CHD8: variants seen among roughly 807,000 people sequenced by gnomAD.
CHD8 encodes chromodomain helicase DNA binding protein 8, also known as ATP-dependent chromatin remodeler CHD8.
In CHD8, 31 loss-of-function variants were observed where a neutral mutation model predicts 279.2. The ratio of observed to expected loss-of-function variants is 0.11; its 90% CI spans 0.08 to 0.15. CHD8 has a LOEUF of 0.15. Ranked by LOEUF, CHD8 falls within the 10% of genes least tolerant of loss-of-function variation. The pLI, the probability that CHD8 is intolerant of heterozygous loss-of-function variation, is 1.00. For missense variants in CHD8, 2,146 were observed against 3,230.5 expected (o/e 0.66, Z 8.14); for synonymous variants, 1,081 against 1,139.6 (o/e 0.95, Z 1.04).
At chr14:21,423,567 C>T (rs914782895) in intron 5 of CHD8, among the ~76,000 whole-genome samples, 1 of 151,920 alleles carries the variant, frequency 6.6e-6, no homozygotes, top group African/African-American at 2.4e-5. Flanking sequence ...AACAGTCTCT[C>T]ATTCTGTTGC....
At chr14:21,392,023 T>G (rs942526514) in intron 34 of CHD8, 77 bp from the exon 35 acceptor site, 2 of 1,049,114 alleles carry the variant, frequency 1.9e-6, no homozygotes, top group South Asian at 1.3e-5. Context: ...TTGAGGGATG[T>G]GGGCTATAGG....
At position 21,400,696 on chromosome 14, in the gene CHD8, A is replaced by T; in HGVS notation, c.4371-84T>A. 1 of 1,355,174 alleles carries T rather than the reference A, an allele frequency of 7.4e-7. No homozygotes were observed. Among genetic ancestry groups the T allele is most frequent in the Non-Finnish European group, 9.9e-7 (1 of 1,007,524 alleles). 83.9% of individuals were successfully genotyped at this position (1,355,174 alleles called of 1,614,324 possible). On this transcript the variant is annotated intron_variant, in intron 22 of 37. Transcript: ENST00000646647. This position sits in a 1 kb window ranked among gnomAD's most constrained non-coding sequence, Gnocchi z 4.2. Reference sequence around the variant, plus strand: ...AGAATCATGTCTCTGAAAAGGTGTGAAACAAAGATCTTAAAAAACATGGTA... The same window carrying T: ...AGAATCATGTCTCTGAAAAGGTGTGTAACAAAGATCTTAAAAAACATGGTA...
At position 21,400,348 on chromosome 14, in the gene CHD8, C is replaced by A. The variant is rs369237386; in HGVS notation, c.4571-41G>T. On this transcript the variant is annotated intron_variant, in intron 23 of 37. Coordinates refer to ENST00000646647, the MANE Select transcript of CHD8 (RefSeq NM_001170629.2). The surrounding 1 kb of genome is among the most constrained non-coding windows in gnomAD (Gnocchi z 4.2). ...CATCAAAGACTTGGATTGAGAAAAACCCTTGGACCTGAAAAGGATTAGATT... is the reference window on the plus strand; with the variant it reads ...CATCAAAGACTTGGATTGAGAAAAAACCTTGGACCTGAAAAGGATTAGATT... The A allele has an allele frequency of 3.7e-6, 6 of 1,610,274 alleles. No individual in the cohort carries two copies. The South Asian group carries it at 5.5e-5, about 15-fold the overall frequency.
At chr14:21,437,249 T>TC (rs920737168) in intron 1 of CHD8, 5 of 1,159,730 alleles carry the variant, frequency 4.3e-6, no homozygotes, top group South Asian at 3.3e-5. Context: ...CAGCACCAGT[T>TC]CCCCCTCCTC....
At chr14:21,437,027 C>T in intron 1 of CHD8, 1 of 1,144,708 alleles carries the variant, frequency 8.7e-7, no homozygotes, top group Non-Finnish European at 1.1e-6. Context: ...GCGGGGGTGC[C>T]CTCCAGGGTG....
intron 11 of CHD8, 21 bp downstream of exon 11, chr14:21,409,829 AC>A: frequency 6.2e-7 from 1 of 1,605,626 alleles, no homozygotes; most frequent in Non-Finnish European, 8.5e-7. Context: ...AGGCCTTTAT[AC>A]TTTAATGCAA....
At chr14:21,421,760 C>G (rs1302509812) in intron 5 of CHD8, among the ~76,000 whole-genome samples, 1 of 152,148 alleles carries the variant, frequency 6.6e-6, no homozygotes, top group Non-Finnish European at 1.5e-5. Flanking sequence ...CCCTAACCCC[C>G]AGTACCTCAG....
At chr14:21,427,281 C>T (rs911442944) in intron 4 of CHD8, 6 of 298,668 alleles carry the variant, frequency 2.0e-5, no homozygotes, top group African/African-American at 6.8e-5. Flanking sequence ...CAATCTTGAG[C>T]TTGCTCTTGC....
chr14:21,413,019 C>T, intron 9 of CHD8, 23 bp from the exon 10 acceptor site: 1 of 1,400,330 alleles, frequency 7.1e-7, no homozygotes, highest in South Asian at 1.2e-5. Context: ...GGAAACCAAA[C>T]AATAAGACCA....
chr14:21,395,375 T>A, intron 28 of CHD8, 23 bp from the exon 29 acceptor site: 1 of 1,569,500 alleles, frequency 6.4e-7, no homozygotes, highest in Admixed American at 1.7e-5. Flanking sequence ...ATCCACCCAA[T>A]AGGATGGAGC....
chr14:21,406,425 G>A lies in CHD8; in HGVS notation c.2907+431C>T, dbSNP rs577992291. Among the ~76,000 whole-genome samples the A allele has an allele frequency of 1.1e-4, 16 of 152,298 alleles. No individual in the cohort carries two copies. In the East Asian group the frequency reaches 2.1e-3, roughly 20 times the overall value. ...ACAAAGCAGCCCAATCTGGCCTATG[G>A]AGGATGAGAGGCCATGTGGAACCCA... On this transcript the variant is annotated intron_variant, in intron 14 of 37. Transcript: ENST00000646647.
At chr14:21,416,838 G>A (rs1888744961) in intron 5 of CHD8, among the ~76,000 whole-genome samples, 1 of 151,704 alleles carries the variant, frequency 6.6e-6, no homozygotes. Flanking sequence ...GGGAGTGGTG[G>A]CTCACACCTG....
intron 5 of CHD8, among the ~76,000 whole-genome samples, chr14:21,420,857 G>A (rs1214540970): frequency 6.6e-6 from 1 of 151,852 alleles, no homozygotes; most frequent in African/African-American, 2.4e-5. Flanking sequence ...CTGCCTCCCA[G>A]GTTCAAGTGA....
intron 11 of CHD8, among the ~76,000 whole-genome samples, 196 bp from the exon 12 acceptor site, chr14:21,409,021 A>G (rs1263596122): frequency 6.6e-6 from 1 of 152,236 alleles, no homozygotes; most frequent in Non-Finnish European, 1.5e-5. Flanking sequence ...CAACATCACA[A>G]AACACAACCT....
chr14:21,390,460 C>G (rs1190246543), intron 37 of CHD8, among the ~76,000 whole-genome samples: 1 of 152,090 alleles, frequency 6.6e-6, no homozygotes, highest in Non-Finnish European at 1.5e-5. Context: ...GATGAAGATA[C>G]CACAGGACTG....
At chr14:21,448,312 G>C (rs1174643650) in intron 1 of CHD8, among the ~76,000 whole-genome samples, 2 of 152,150 alleles carry the variant, frequency 1.3e-5, no homozygotes, top group Admixed American at 1.3e-4. Context: ...TTATATGCAA[G>C]ACTGACCAAG....
intron 1 of CHD8, among the ~76,000 whole-genome samples, chr14:21,442,930 C>G (rs1271569153): frequency 1.3e-5 from 2 of 152,076 alleles, no homozygotes; most frequent in Admixed American, 1.3e-4. Context: ...AACTGGAGAA[C>G]CTATATCCAT....
intron 1 of CHD8, among the ~76,000 whole-genome samples, chr14:21,452,542 G>A (rs1890281748): frequency 6.6e-6 from 1 of 152,020 alleles, no homozygotes; most frequent in Non-Finnish European, 1.5e-5. Flanking sequence ...TACTTGGGAA[G>A]CTAAAGCAGG....
rs116904182 is a variant in CHD8 at position 21,405,123 on chromosome 14, A to G, written c.3307+86T>C. 16,698 of 1,374,384 alleles carry G rather than the reference A, an allele frequency of 0.012. 132 individuals are homozygous for G. Among genetic ancestry groups the G allele is most frequent in the Non-Finnish European group, 0.014 (13,477 of 990,558 alleles). The allele number at this position is 1,374,384 out of a possible 1,614,324, so 85.1% of individuals were successfully genotyped here. A position where few individuals can be genotyped will look rare whatever the true frequency, so the allele number is the denominator to read the frequency against. On this transcript the variant is annotated intron_variant, in intron 16 of 37. Coordinates refer to ENST00000646647, the MANE Select transcript of CHD8 (RefSeq NM_001170629.2). This position sits in a 1 kb window ranked among gnomAD's most constrained non-coding sequence, Gnocchi z 4.2. ...ACCCCAAATTAGGTTGGTTGAGTCA[A>G]TGCATCCATTGTCCCCAAGGAGAAT... is the stretch of plus-strand genomic sequence containing the variant.
Sources: gnomAD v4.1 joint callset for allele counts (sites outside exome capture counted in the v4.1 genomes callset) on GRCh38, gnomAD v4.1.1 for gene constraint, Gnocchi (gnomAD v3.1) non-coding constraint, MANE v1.5 for transcripts, NCBI Gene and HGNC (gene_info 2026-07-23, HGNC 2026-07-21) for gene names.